SPATA33: variants seen among roughly 807,000 people sequenced by gnomAD.
SPATA33 encodes spermatogenesis-associated protein 33.
Under a neutral mutation model 8.9 loss-of-function variants are expected in SPATA33, and 10 were observed. The observed-to-expected ratio is 1.12, with a 90% CI of 0.69 to 1.90. The LOEUF (loss-of-function observed/expected upper bound fraction) is 1.90. SPATA33 is among the 40% of genes most tolerant of loss of function. The probability of loss-of-function intolerance (pLI) is 0.00; values close to 1 mark genes in which losing one functional copy is unlikely to be tolerated. For missense variants in SPATA33, 241 were observed against 178.3 expected (o/e 1.35, Z -2.00); for synonymous variants, 96 against 72.8 (o/e 1.32, Z -1.63).
chr16:89,665,494 T>TA (rs1165960073), intron 2 of SPATA33, among the ~76,000 whole-genome samples: 4 of 150,414 alleles, frequency 2.7e-5, no homozygotes, highest in Non-Finnish European at 5.9e-5. Flanking sequence ...TTTTTTTTTT[T>TA]AAGTAGAGAT....
chr16:89,658,360 G>A lies in SPATA33; in HGVS notation c.150G>A (p.Val50=). 6.2e-7 allele frequency: 1 copy of A among 1,613,656 alleles called. No homozygotes were observed. The highest frequency in any genetic ancestry group is 8.5e-7 in the Non-Finnish European group (1 of 1,180,016). ...CAGACAGGGAGTCGGAGAAGCCTGT[G>A]GACAGCCTCCACCCGGGGGCCGGGA... The part of the protein sequence containing the change: ...RQADRESEKP[V]DSLHPGAGTA... Residue 50 remains valine, a synonymous_variant, in exon 2 of 3, where the codon GTG becomes GTA. Coordinates refer to ENST00000579310, the MANE Select transcript of SPATA33 (RefSeq NM_001271907.2).
upstream of SPATA33, chr16:89,657,833 T>G: frequency 6.6e-7 from 1 of 1,512,384 alleles, no homozygotes; most frequent in Non-Finnish European, 8.8e-7. Context: ...GCGAGGACCT[T>G]TTGTGAGTCG....
At chr16:89,657,991 TG>T (rs1344507649) in intron 1 of SPATA33, 43 bp downstream of exon 1, 2 of 1,502,868 alleles carry the variant, frequency 1.3e-6, no homozygotes, top group African/African-American at 2.9e-5. Context: ...TCTCCGCCCC[TG>T]GGCGCGGGCC....
At chr16:89,665,105 C>A (rs757863119) in intron 2 of SPATA33, among the ~76,000 whole-genome samples, 8 of 152,006 alleles carry the variant, frequency 5.3e-5, no homozygotes, top group Non-Finnish European at 1.2e-4. Context: ...AAACGATTCT[C>A]CCACCTCAGC....
At position 89,669,539 on chromosome 16, in the gene SPATA33, C is replaced by T. The variant is rs374300064; in HGVS notation, c.*42C>T. Reference sequence around the variant, plus strand: ...GGCACTCGCTACTCCCTGCGATAGGCGTCTCGGGAACAGCCGCCTCACCCT... The same window carrying T: ...GGCACTCGCTACTCCCTGCGATAGGTGTCTCGGGAACAGCCGCCTCACCCT... On this transcript the variant is annotated 3_prime_UTR_variant, in exon 3 of 3. Transcript: ENST00000579310. 16 of 1,589,832 alleles carry T rather than the reference C, an allele frequency of 1.0e-5. No individual in the cohort carries two copies. In the African/African-American group the frequency reaches 1.2e-4, roughly 12 times the overall value.
At chr16:89,668,735 G>T (rs1597809045) in intron 2 of SPATA33, among the ~76,000 whole-genome samples, 1 of 152,260 alleles carries the variant, frequency 6.6e-6, no homozygotes, top group East Asian at 1.9e-4. Context: ...CCAGCCAGGA[G>T]AGCAGCCGGT....
At chr16:89,660,878 C>T (rs117185371) in intron 2 of SPATA33, 24,113 of 1,098,020 alleles carry the variant, frequency 0.022, 296 homozygotes, top group Middle Eastern at 0.059. Context: ...AGCAAACAAG[C>T]CTTTAGTGAT....
intron 2 of SPATA33, among the ~76,000 whole-genome samples, chr16:89,666,635 G>T (rs1025193148): frequency 6.6e-6 from 1 of 152,154 alleles, no homozygotes; most frequent in African/African-American, 2.4e-5. Flanking sequence ...AGACAGCTGG[G>T]CCCGGGGGAC....
At chr16:89,660,654 C>A in intron 2 of SPATA33, 1 of 913,870 alleles carries the variant, frequency 1.1e-6, no homozygotes, top group Non-Finnish European at 1.4e-6. Flanking sequence ...ACTCATGTTG[C>A]AGTTCCCTTT....
intron 2 of SPATA33, among the ~76,000 whole-genome samples, chr16:89,664,949 G>T (rs2060006149): frequency 6.6e-6 from 1 of 152,206 alleles, no homozygotes; most frequent in South Asian, 2.1e-4. Context: ...GATTTGTTGT[G>T]CAGCAATAGA....
Position 89,657,918 on chromosome 16 carries a change from C to T in SPATA33, c.7C>T (p.Leu3Phe), listed in dbSNP as rs1356570496. 1 of 1,519,350 alleles carries T rather than the reference C, an allele frequency of 6.6e-7. No individual in the cohort carries two copies. The highest frequency in any genetic ancestry group is 8.8e-7 in the Non-Finnish European group (1 of 1,140,588). The allele number at this position is 1,519,350 out of a possible 1,614,324, so 94.1% of individuals were successfully genotyped here. Residue 3 changes from leucine to phenylalanine, a missense_variant, in exon 1 of 3, where the codon CTT becomes TTT. By Grantham distance (22) the Leu-to-Phe change is conservative (BLOSUM62 0). Transcript: ENST00000579310. Reference protein sequence around the residue: MGLSKSKEKPRKG... With the variant: MGFSKSKEKPRKG... ...GGGGGCGGTGGGCTCACCCATGGGC[C>T]TTTCCAAAAGCAAAGAGAAACCCAG... is the stretch of plus-strand genomic sequence containing the variant.
intron 2 of SPATA33, chr16:89,659,283 A>C (rs1021852756): frequency 1.3e-5 from 2 of 152,280 alleles, no homozygotes; most frequent in African/African-American, 4.8e-5. Context: ...TGCAGTAGGA[A>C]TTGCAGAAGG....
rs115227600 is a variant in SPATA33 at position 89,667,519 on chromosome 16, C to T, written c.212-1767C>T. On this transcript the variant is annotated intron_variant, in intron 2 of 2. Coordinates refer to ENST00000579310, the MANE Select transcript of SPATA33 (RefSeq NM_001271907.2). ...TTGCCTCGGCACCTGGGTGACTTGCCGCCCACAGTGGTGCGTGCTGGTGGT... is the reference window on the plus strand; with the variant it reads ...TTGCCTCGGCACCTGGGTGACTTGCTGCCCACAGTGGTGCGTGCTGGTGGT... Among the ~76,000 whole-genome samples the T allele has an allele frequency of 9.8e-3, 1,490 of 152,156 alleles. 28 individuals carry two copies. Among genetic ancestry groups the T allele is most frequent in the African/African-American group, 0.034 (1,432 of 41,512 alleles).
chr16:89,657,898 C>G lies in SPATA33; in HGVS notation c.-14C>G. 1 of 1,516,018 alleles carries G rather than the reference C, an allele frequency of 6.6e-7. No homozygotes were observed. Among genetic ancestry groups the G allele is most frequent in the East Asian group, 2.6e-5 (1 of 38,128 alleles). The allele number at this position is 1,516,018 out of a possible 1,614,324, so 93.9% of individuals were successfully genotyped here. ...GGACCCGGGCTTGCGTCGGAGGGGG[C>G]GGTGGGCTCACCCATGGGCCTTTCC... On this transcript the variant is annotated 5_prime_UTR_variant, in exon 1 of 3. Transcript: ENST00000579310.
intron 2 of SPATA33, among the ~76,000 whole-genome samples, chr16:89,666,749 C>G (rs1055696395): frequency 3.9e-5 from 6 of 152,196 alleles, no homozygotes; most frequent in Non-Finnish European, 7.3e-5. Flanking sequence ...TGTGAGCCAT[C>G]TCCAATGATA....
chr16:89,657,842 C>G lies in SPATA33; in HGVS notation c.-70C>G. On this transcript the variant is annotated 5_prime_UTR_variant, in exon 1 of 3. Transcript: ENST00000579310. ...GCTGGCGCGAGGACCTTTTGTGAGT[C>G]GCTCCCGGCTCCGCGGCCGCGGAGG... 1.3e-6 allele frequency: 2 copies of G among 1,510,354 alleles called. No individual in the cohort carries two copies. The highest frequency in any genetic ancestry group is 2.7e-5 in the East Asian group (1 of 37,002). 93.6% of individuals were successfully genotyped at this position (1,510,354 alleles called of 1,614,324 possible). A position where few individuals can be genotyped will look rare whatever the true frequency, so the allele number is the denominator to read the frequency against.
At position 89,658,259 on chromosome 16, in the gene SPATA33, A is replaced by C. The variant is rs531124029; in HGVS notation, c.49A>C (p.Lys17Gln). 5.4e-5 allele frequency: 87 copies of C among 1,614,166 alleles called. 1 individual carries two copies. In the South Asian group the frequency reaches 5.6e-4, roughly 10 times the overall value. ...KEKPRKGEEQKKGSTYSVPKS... is the reference protein window; with the variant it reads ...KEKPRKGEEQQKGSTYSVPKS... ...TCCATATATTTCAGGTGAGGAGCAA[A>C]AGAAGGGATCCACCTATTCAGTTCC... The change falls in exon 2 of 3, where the codon AAG becomes CAG. Residue 17 changes from lysine (K) to glutamine (Q), a missense_variant. Lys to Gln is a moderately conservative substitution (Grantham distance 53, BLOSUM62 1). Transcript: ENST00000579310.
chr16:89,668,524 A>T (rs1160741563), intron 2 of SPATA33, among the ~76,000 whole-genome samples: 1 of 152,218 alleles, frequency 6.6e-6, no homozygotes, highest in Non-Finnish European at 1.5e-5. Flanking sequence ...CTGCTCTCCC[A>T]GAAGCCTGAA....
At chr16:89,661,821 A>G (rs768367933) in intron 2 of SPATA33, among the ~76,000 whole-genome samples, 5 of 152,052 alleles carry the variant, frequency 3.3e-5, no homozygotes, top group Non-Finnish European at 5.9e-5. Context: ...GTCAGTGTTA[A>G]TTTTCTCAGA....
Sources: gnomAD v4.1 joint callset for allele counts (sites outside exome capture counted in the v4.1 genomes callset) on GRCh38, gnomAD v4.1.1 for gene constraint, MANE v1.5 for transcripts, NCBI Gene and HGNC (gene_info 2026-07-23, HGNC 2026-07-21) for gene names.